The following TCF7L1 variants were observed in gnomAD, a reference collection of about 807,000 sequenced individuals.
TCF7L1 encodes the protein transcription factor 7 like 1, also known as transcription factor 7-like 1.
Under a neutral mutation model 63.7 loss-of-function variants are expected in TCF7L1, and 18 were observed. The ratio of observed to expected loss-of-function variants is 0.28; its 90% CI spans 0.20 to 0.42. The LOEUF (loss-of-function observed/expected upper bound fraction) is 0.42. Among genes scored for constraint, TCF7L1 ranks in the 10% least tolerant of loss-of-function variants. The probability of loss-of-function intolerance (pLI) is 1.00; values close to 1 mark genes in which losing one functional copy is unlikely to be tolerated. For missense variants in TCF7L1, 654 were observed against 779.3 expected, an observed-to-expected ratio of 0.84 and a Z score of 1.91; for synonymous variants, 355 against 340.9, an observed-to-expected ratio of 1.04 and a Z score of -0.46.
At chr2:85,135,087 A>G (rs1341068549) in intron 3 of TCF7L1, among the ~76,000 whole-genome samples, 3 of 152,060 alleles carry the variant, frequency 2.0e-5, no homozygotes, top group Non-Finnish European at 2.9e-5. Flanking sequence ...ATTTAAAGCG[A>G]GCGCTGCGAC....
chr2:85,232,660 C>A (rs1680109694), intron 3 of TCF7L1, among the ~76,000 whole-genome samples: 1 of 152,196 alleles, frequency 6.6e-6, no homozygotes, highest in South Asian at 2.1e-4. Context: ...GGTATCTCCT[C>A]CACTGTTATT....
chr2:85,222,683 A>AAAAT (rs1369207664), intron 3 of TCF7L1, among the ~76,000 whole-genome samples: 2 of 151,780 alleles, frequency 1.3e-5, no homozygotes, highest in African/African-American at 4.8e-5. Context: ...AAAAAAAAAA[A>AAAAT]AAAAAAGATT....
At chr2:85,272,652 G>T (rs1019098302) in intron 3 of TCF7L1, among the ~76,000 whole-genome samples, 1 of 151,866 alleles carries the variant, frequency 6.6e-6, no homozygotes, top group African/African-American at 2.4e-5. Context: ...AAAATTAGCC[G>T]GGTGGTGTGG....
chr2:85,165,379 A>T (rs938101852), intron 3 of TCF7L1, among the ~76,000 whole-genome samples: 1 of 152,042 alleles, frequency 6.6e-6, no homozygotes, highest in Non-Finnish European at 1.5e-5. Context: ...CCAGCCTTAA[A>T]TCTGCCCTCC....
chr2:85,299,888 C>CACACACACACACACACAT (rs1166355994), intron 4 of TCF7L1, among the ~76,000 whole-genome samples: 1 of 151,406 alleles, frequency 6.6e-6, no homozygotes, highest in Non-Finnish European at 1.5e-5. Flanking sequence ...CACACACACA[C>CACACACACACACACACAT]ACACACACAC....
At chr2:85,254,565 G>C (rs558221519) in intron 3 of TCF7L1, among the ~76,000 whole-genome samples, 1 of 152,162 alleles carries the variant, frequency 6.6e-6, no homozygotes, top group Non-Finnish European at 1.5e-5. Context: ...CCAGCACCCC[G>C]ATCCACATTA....
intron 3 of TCF7L1, among the ~76,000 whole-genome samples, chr2:85,249,229 G>C (rs978130038): frequency 2.6e-5 from 4 of 152,210 alleles, no homozygotes; most frequent in African/African-American, 9.7e-5. Context: ...TGGGAACCCA[G>C]CAGGAGAACC....
intron 3 of TCF7L1, among the ~76,000 whole-genome samples, chr2:85,201,562 A>G (rs1237682159): frequency 6.6e-6 from 1 of 152,250 alleles, no homozygotes; most frequent in African/African-American, 2.4e-5. Context: ...ATAAATTCAC[A>G]TGTAAGTGGA....
At chr2:85,146,799 T>C (rs539159306) in intron 3 of TCF7L1, among the ~76,000 whole-genome samples, 2 of 152,242 alleles carry the variant, frequency 1.3e-5, no homozygotes, top group South Asian at 4.2e-4. Flanking sequence ...CCACTGTGCC[T>C]GGCTTCAGTG....
chr2:85,241,098 T>A (rs1680309925), intron 3 of TCF7L1, among the ~76,000 whole-genome samples: 1 of 152,202 alleles, frequency 6.6e-6, no homozygotes. Context: ...AAAGTACAAG[T>A]TCTCAGAGTT....
intron 3 of TCF7L1, among the ~76,000 whole-genome samples, chr2:85,145,472 C>A (rs1241155896): frequency 6.6e-6 from 1 of 152,180 alleles, no homozygotes; most frequent in African/African-American, 2.4e-5. Flanking sequence ...GGCAGTAGTG[C>A]TTTCTGATGT....
chr2:85,297,154 G>C (rs961955035), intron 4 of TCF7L1, among the ~76,000 whole-genome samples: 2 of 152,230 alleles, frequency 1.3e-5, no homozygotes, highest in African/African-American at 2.4e-5. Context: ...GAAAAGAAGA[G>C]TTTGGGTAAG....
intron 3 of TCF7L1, among the ~76,000 whole-genome samples, chr2:85,250,090 A>G (rs566004475): frequency 1.3e-5 from 2 of 152,312 alleles, no homozygotes; most frequent in Non-Finnish European, 2.9e-5. Flanking sequence ...AAGTGGGGAA[A>G]TGGGTTATAA....
intron 3 of TCF7L1, chr2:85,204,783 T>C (rs1474508833): frequency 5.3e-5 from 8 of 152,230 alleles, no homozygotes; most frequent in African/African-American, 1.4e-4. Context: ...TTGCCAACTT[T>C]TTAAAAATTT....
intron 4 of TCF7L1, among the ~76,000 whole-genome samples, chr2:85,294,101 A>C (rs1247693952): frequency 7.7e-6 from 1 of 130,232 alleles, no homozygotes; most frequent in African/African-American, 3.0e-5. Context: ...CAGTGGCACG[A>C]TCTTGGCTCA....
At position 85,269,818 on chromosome 2, in the gene TCF7L1, A is replaced by G. The variant is rs185800825; in HGVS notation, c.442-13677A>G. Among the ~76,000 whole-genome samples, 3 of 152,316 alleles carry G rather than the reference A, an allele frequency of 2.0e-5. 1 individual carries two copies. Among genetic ancestry groups the G allele is most frequent in the Admixed American group, 2.0e-4 (3 of 15,304 alleles). ...TGTTGTTCCCTGAGATATGTAAGCCACATGTGCACCCACATTTGCATACAC... is the reference window on the plus strand; with the variant it reads ...TGTTGTTCCCTGAGATATGTAAGCCGCATGTGCACCCACATTTGCATACAC... On this transcript the variant is annotated intron_variant, in intron 3 of 11. Coordinates refer to ENST00000282111, the MANE Select transcript of TCF7L1 (RefSeq NM_031283.3).
Position 85,134,156 on chromosome 2 carries a change from C to T in TCF7L1, c.313+77C>T. On this transcript the variant is annotated intron_variant, in intron 2 of 11. Transcript: ENST00000282111. The surrounding 1 kb of genome is among the most constrained non-coding windows in gnomAD (Gnocchi z 5.0). The stretch of plus-strand genomic sequence containing the variant: ...TGCTCAGCCCGGGCGGCCCACCGTC[C>T]CCCTTGCTTGGGTGGACGCACCCTT... 6.4e-7 allele frequency: 1 copy of T among 1,564,902 alleles called. No individual in the cohort carries two copies. Among genetic ancestry groups the T allele is most frequent in the Non-Finnish European group, 8.7e-7 (1 of 1,152,816 alleles).
In TCF7L1 at chr2:85,215,464, G is replaced by T. The variant is rs535308509; in HGVS notation, c.442-68031G>T. On this transcript the variant is annotated intron_variant, in intron 3 of 11. Transcript: ENST00000282111. ...TTCCTACAGTTGGGTGGGCTCCAGG[G>T]TGCAGAGGCCCCCCGCCTTGCTTGG... 7.2e-5 allele frequency among the ~76,000 whole-genome samples: 11 copies of T among 152,288 alleles called. No homozygotes were observed. In the East Asian group the frequency reaches 7.7e-4, roughly 11 times the overall value.
intron 3 of TCF7L1, among the ~76,000 whole-genome samples, chr2:85,218,111 T>C (rs982143359): frequency 1.3e-5 from 2 of 152,168 alleles, no homozygotes; most frequent in African/African-American, 4.8e-5. Context: ...ATATATGTCT[T>C]ATATCCCTTA....
Sources: gnomAD v4.1 joint callset for allele counts (sites outside exome capture counted in the v4.1 genomes callset) on GRCh38, gnomAD v4.1.1 for gene constraint, Gnocchi (gnomAD v3.1) non-coding constraint, MANE v1.5 for transcripts, NCBI Gene and HGNC (gene_info 2026-07-23, HGNC 2026-07-21) for gene names.